The following SCAPER variants were observed in gnomAD, a reference collection of about 807,000 sequenced individuals.
SCAPER encodes S phase cyclin A-associated protein in the endoplasmic reticulum.
SCAPER carries 98 observed loss-of-function variants against 182.2 expected under a neutral mutation model. That is an observed-to-expected ratio of 0.54 (90% confidence interval 0.46 to 0.64). The LOEUF (loss-of-function observed/expected upper bound fraction) is 0.64. SCAPER is among the 30% of genes least tolerant of loss of function. The pLI, the probability that SCAPER is intolerant of heterozygous loss-of-function variation, is 0.00. For synonymous variants in SCAPER, 605 were observed against 564.6 expected (o/e 1.07, Z -1.01); for missense variants, 1,432 against 1,690.0 (o/e 0.85, Z 2.68).
intron 2 of SCAPER, among the ~76,000 whole-genome samples, chr15:76,877,199 C>A (rs867915839): frequency 4.3e-4 from 64 of 150,180 alleles, no homozygotes; most frequent in African/African-American, 1.5e-3. Flanking sequence ...TGACAGAGAC[C>A]CTGTCTTTAA....
intron 22 of SCAPER, among the ~76,000 whole-genome samples, chr15:76,617,048 C>T (rs143448367): frequency 6.6e-6 from 1 of 152,148 alleles, no homozygotes; most frequent in Non-Finnish European, 1.5e-5. Context: ...TTAATTTATA[C>T]AAGGTATTGA....
intron 22 of SCAPER, among the ~76,000 whole-genome samples, chr15:76,582,511 T>C (rs2048339095): frequency 6.6e-6 from 1 of 152,226 alleles, no homozygotes; most frequent in Admixed American, 6.5e-5. Flanking sequence ...ATGTCTATAT[T>C]ATATGAAGTA....
intron 22 of SCAPER, among the ~76,000 whole-genome samples, chr15:76,585,545 T>C (rs1407288071): frequency 2.0e-5 from 3 of 152,150 alleles, no homozygotes; most frequent in African/African-American, 7.2e-5. Flanking sequence ...TATATGAATC[T>C]AGCACTATTC....
At chr15:76,517,894 A>G (rs1223873379) in intron 23 of SCAPER, among the ~76,000 whole-genome samples, 1 of 152,048 alleles carries the variant, frequency 6.6e-6, no homozygotes, top group Non-Finnish European at 1.5e-5. Context: ...ATTAGCATTC[A>G]CTAGCAGCTA....
At chr15:76,856,832 G>A (rs375190000) in intron 4 of SCAPER, among the ~76,000 whole-genome samples, 31 of 151,912 alleles carry the variant, frequency 2.0e-4, no homozygotes, top group Admixed American at 1.6e-3. Context: ...TTGTACCACC[G>A]TACTCAGCCT....
chr15:76,520,948 GT>G (rs1190586078), intron 23 of SCAPER, among the ~76,000 whole-genome samples: 1 of 152,108 alleles, frequency 6.6e-6, no homozygotes, highest in East Asian at 1.9e-4. Flanking sequence ...GTGGCGGGAA[GT>G]TTTCCTAGAC....
chr15:76,368,452 G>T (rs188465578), intron 29 of SCAPER, among the ~76,000 whole-genome samples: 1 of 152,220 alleles, frequency 6.6e-6, no homozygotes, highest in Non-Finnish European at 1.5e-5. Flanking sequence ...AACGTTTGGC[G>T]TTTCTCACTA....
intron 29 of SCAPER, among the ~76,000 whole-genome samples, chr15:76,358,525 CTTG>C (rs2041167491): frequency 6.6e-6 from 1 of 152,188 alleles, no homozygotes; most frequent in Admixed American, 6.5e-5. Context: ...GAGGGCCTTC[CTTG>C]TTGGCAGACA....
At chr15:76,416,939 C>T (rs2045688723) in intron 26 of SCAPER, among the ~76,000 whole-genome samples, 2 of 151,966 alleles carry the variant, frequency 1.3e-5, no homozygotes, top group African/African-American at 2.4e-5. Context: ...TGGTGGCTTG[C>T]ACCTGTAATC....
intron 26 of SCAPER, among the ~76,000 whole-genome samples, chr15:76,425,947 T>C (rs541623484): frequency 1.2e-3 from 183 of 152,262 alleles, no homozygotes; most frequent in African/African-American, 4.1e-3. Context: ...GAACAGCAAA[T>C]GTTGCTGCCT....
chr15:76,601,976 C>G (rs2049963428), intron 22 of SCAPER, among the ~76,000 whole-genome samples: 1 of 120,832 alleles, frequency 8.3e-6, no homozygotes, highest in Non-Finnish European at 2.0e-5. Flanking sequence ...CCCTCCATAT[C>G]CATGAGTTTT....
At chr15:76,527,198 T>A (rs770350376) in intron 23 of SCAPER, among the ~76,000 whole-genome samples, 1 of 152,246 alleles carries the variant, frequency 6.6e-6, no homozygotes, top group Non-Finnish European at 1.5e-5. Flanking sequence ...TAAAATTAAT[T>A]TCACCTATAA....
chr15:76,515,135 G>C (rs950281043), intron 23 of SCAPER, among the ~76,000 whole-genome samples: 3 of 152,184 alleles, frequency 2.0e-5, no homozygotes, highest in Non-Finnish European at 4.4e-5. Context: ...GGGGCTGAGA[G>C]GCTAGAAAAG....
chr15:76,831,963 A>G (rs1325770189), intron 5 of SCAPER, among the ~76,000 whole-genome samples: 1 of 152,222 alleles, frequency 6.6e-6, no homozygotes, highest in Non-Finnish European at 1.5e-5. Context: ...AGGGCATCAA[A>G]GAATATAAGA....
At chr15:76,883,762 GAA>G in intron 2 of SCAPER, 48 bp downstream of exon 2, 1 of 1,402,382 alleles carries the variant, frequency 7.1e-7, no homozygotes, top group Non-Finnish European at 9.6e-7. Context: ...AAGAAAGGAA[GAA>G]AAGAGAAAGG....
intron 27 of SCAPER, among the ~76,000 whole-genome samples, chr15:76,401,180 AG>A (rs2044429829): frequency 6.6e-6 from 1 of 152,104 alleles, no homozygotes; most frequent in African/African-American, 2.4e-5. Flanking sequence ...AACAACCCTT[AG>A]GCATGTCTAG....
intron 29 of SCAPER, among the ~76,000 whole-genome samples, chr15:76,371,319 CTTTTT>C (rs558300032): frequency 7.3e-6 from 1 of 137,492 alleles, no homozygotes; most frequent in Non-Finnish European, 1.6e-5. Context: ...CTCTCTCTCT[CTTTTT>C]TTTTTTTTTT....
Position 76,476,595 on chromosome 15 carries a change from A to ATTTTTTTT in SCAPER, c.2955-5268_2955-5261dup, listed in dbSNP as rs5813839. Among the ~76,000 whole-genome samples, 38 of 73,532 alleles carry ATTTTTTTT rather than the reference A, an allele frequency of 5.2e-4. 2 individuals are homozygous for ATTTTTTTT. Among genetic ancestry groups the ATTTTTTTT allele is most frequent in the South Asian group, 6.8e-4 (1 of 1,470 alleles). The allele number at this position is 73,532 out of a possible 152,430, so 48.2% of individuals were successfully genotyped here. A position where few individuals can be genotyped will look rare whatever the true frequency, so the allele number is the denominator to read the frequency against. On this transcript the variant is annotated intron_variant, in intron 24 of 31. Transcript: ENST00000563290. Reference sequence around the variant, plus strand: ...AGGTACACACCACAACACCCAGCTAATTTTTTTTTTTTTTTTTTTTTTTTT... The same window carrying ATTTTTTTT: ...AGGTACACACCACAACACCCAGCTAATTTTTTTTTTTTTTTTTTTTTTTTTTTTTTTTT...
At chr15:76,677,769 C>T (rs1050163519) in intron 20 of SCAPER, among the ~76,000 whole-genome samples, 1 of 149,168 alleles carries the variant, frequency 6.7e-6, no homozygotes, top group Non-Finnish European at 1.5e-5. Context: ...CATAATTTAC[C>T]GTATTCTATG....
Sources: allele counts gnomAD v4.1 joint callset (sites outside exome capture counted in the v4.1 genomes callset), GRCh38; gene constraint gnomAD v4.1.1; transcripts MANE v1.5; gene names NCBI Gene and HGNC (gene_info 2026-07-23, HGNC 2026-07-21).